The following CAMTA1 variants were observed in gnomAD, a reference collection of about 807,000 sequenced individuals.
CAMTA1 encodes calmodulin-binding transcription activator 1.
In CAMTA1, 27 loss-of-function variants were observed where a neutral mutation model predicts 170.9. That is an observed-to-expected ratio of 0.16 (90% CI 0.12 to 0.22). The LOEUF (loss-of-function observed/expected upper bound fraction) is 0.22, where lower values mean the gene tolerates loss of function less well. Among genes scored for constraint, CAMTA1 ranks in the 10% least tolerant of loss-of-function variants. The pLI is 1.00. For missense variants in CAMTA1, 1,619 were observed against 2,217.2 expected, an observed-to-expected ratio of 0.73 and a Z score of 5.42; for synonymous variants, 833 against 891.5, an observed-to-expected ratio of 0.93 and a Z score of 1.17.
chr1:7,055,082 C>T (rs1179920059), intron 3 of CAMTA1, among the ~76,000 whole-genome samples: 2 of 152,152 alleles, frequency 1.3e-5, no homozygotes, highest in Non-Finnish European at 2.9e-5. Context: ...ATGCCACTAA[C>T]CCATTCACGA....
chr1:7,011,117 G>T (rs1557967308), intron 3 of CAMTA1, among the ~76,000 whole-genome samples: 1 of 152,254 alleles, frequency 6.6e-6, no homozygotes, highest in Non-Finnish European at 1.5e-5. Context: ...GGTCTCTGCA[G>T]AAGGAAGCCA....
At position 7,766,579 on chromosome 1, in the gene CAMTA1, ACACACGCACACACG is replaced by A. The variant is rs1197681758; in HGVS notation, c.*94_*107del. 38 of 967,024 alleles carry A rather than the reference ACACACGCACACACG, an allele frequency of 3.9e-5. No individual in the cohort carries two copies. The highest frequency in any genetic ancestry group is 3.9e-4 in the South Asian group (30 of 76,928). 59.9% of individuals were successfully genotyped at this position (967,024 alleles called of 1,614,324 possible). On this transcript the variant is annotated 3_prime_UTR_variant, in exon 23 of 23. Transcript: ENST00000303635. Reference sequence around the variant, plus strand: ...TTTAGCAGAGACATGCAACAACAACACACACGCACACACGCACACACACACACGTACACACACAT... The same window carrying A: ...TTTAGCAGAGACATGCAACAACAACACACACACACACACGTACACACACAT...
intron 1 of CAMTA1, among the ~76,000 whole-genome samples, chr1:6,795,691 T>G (rs1042207268): frequency 2.0e-5 from 3 of 152,128 alleles, no homozygotes; most frequent in African/African-American, 7.2e-5. Flanking sequence ...ACGAAATGAC[T>G]TTGGTGTTTT....
At position 7,471,357 on chromosome 1, in the gene CAMTA1, G is replaced by T. The variant is rs898426106; in HGVS notation, c.510+3456G>T. Among the ~76,000 whole-genome samples the T allele has an allele frequency of 4.7e-4, 72 of 152,250 alleles. 2 individuals are homozygous for T. Among genetic ancestry groups the T allele is most frequent in the Admixed American group, 4.6e-3 (71 of 15,292 alleles). ...CATAGGCTCATAAAGCCATTGGCATGACCAGTAACCACCATGTGAGGTCAC... is the reference window on the plus strand; with the variant it reads ...CATAGGCTCATAAAGCCATTGGCATTACCAGTAACCACCATGTGAGGTCAC... On this transcript the variant is annotated intron_variant, in intron 6 of 22. Coordinates refer to ENST00000303635, the MANE Select transcript of CAMTA1 (RefSeq NM_015215.4).
At chr1:6,956,023 C>T in intron 3 of CAMTA1, among the ~76,000 whole-genome samples, 1 of 152,164 alleles carries the variant, frequency 6.6e-6, no homozygotes, top group East Asian at 1.9e-4. Context: ...TCCGCTCGAG[C>T]AGGTGCTGCA....
chr1:7,285,231 T>C lies in CAMTA1; in HGVS notation c.438+35605T>C, dbSNP rs939003358. Among the ~76,000 whole-genome samples the C allele has an allele frequency of 3.3e-5, 5 of 152,336 alleles. No homozygotes were observed. The East Asian group carries it at 5.8e-4, about 18-fold the overall frequency. On this transcript the variant is annotated intron_variant, in intron 5 of 22. Transcript: ENST00000303635. ...AATGAGTCAGTGAGAGCCCATTTCC[T>C]GTTCTTTGTTTTCTTTTAATTTGAG...
chr1:7,398,181 CTCTCTCTCTCTCTATATATATATATA>C (rs1388536404), intron 5 of CAMTA1, among the ~76,000 whole-genome samples: 41 of 45,568 alleles, frequency 9.0e-4, no homozygotes, highest in African/African-American at 3.0e-3. Context: ...CTCTCTCTCT[CTCTCTCTCTCTCTATATATATATATA>C]TATATATATA....
intron 4 of CAMTA1, among the ~76,000 whole-genome samples, chr1:7,163,297 G>A (rs374624340): frequency 1.6e-5 from 2 of 128,982 alleles, no homozygotes; most frequent in African/African-American, 2.9e-5. Flanking sequence ...AGGCTGGGGT[G>A]GGGGGAAAGG....
Position 6,785,473 on chromosome 1 carries a change from C to G in CAMTA1, c.-58C>G, listed in dbSNP as rs1185149577. The G allele has an allele frequency of 4.3e-6, 4 of 932,640 alleles. No individual in the cohort carries two copies. The highest frequency in any genetic ancestry group is 5.5e-4 in the Middle Eastern group (1 of 1,832). 57.8% of individuals were successfully genotyped at this position (932,640 alleles called of 1,614,324 possible). ...CGCGGCGGCGGCGGGGTGGCTGGGC[C>G]GGCGGCGGCGGCGGTACGAGGCGCG... On this transcript the variant is annotated 5_prime_UTR_variant, in exon 1 of 23. Coordinates refer to ENST00000303635, the MANE Select transcript of CAMTA1 (RefSeq NM_015215.4).
At chr1:7,394,343 G>T (rs531029407) in intron 5 of CAMTA1, among the ~76,000 whole-genome samples, 8 of 152,152 alleles carry the variant, frequency 5.3e-5, no homozygotes, top group Admixed American at 5.2e-4. Context: ...CCACATTTAT[G>T]CCAGCTTTTG....
Position 7,047,703 on chromosome 1 carries a change from T to TTC in CAMTA1, c.235-43583_235-43582dup, listed in dbSNP as rs745458237. 5.1e-3 allele frequency among the ~76,000 whole-genome samples: 771 copies of TTC among 149,792 alleles called. 5 individuals are homozygous for TTC. The highest frequency in any genetic ancestry group is 0.017 in the African/African-American group (664 of 39,704). On this transcript the variant is annotated intron_variant, in intron 3 of 22. Coordinates refer to ENST00000303635, the MANE Select transcript of CAMTA1 (RefSeq NM_015215.4). The stretch of plus-strand genomic sequence containing the variant: ...TCCTGCTCATTGGTTGGCTTTGGCT[T>TTC]TCTCTCTCTCTCTCTCTCTTTTTTT...
At position 7,434,078 on chromosome 1, in the gene CAMTA1, C is replaced by A. The variant is rs995044616; in HGVS notation, c.439-33752C>A. On this transcript the variant is annotated intron_variant, in intron 5 of 22. Coordinates refer to ENST00000303635, the MANE Select transcript of CAMTA1 (RefSeq NM_015215.4). ...TCCACCTCCTGGAGAGTCCCTCCCC[C>A]ACATCCCTTCCTCCTCCTGGAGAGT... Among the ~76,000 whole-genome samples the A allele has an allele frequency of 2.6e-5, 4 of 152,174 alleles. No individual in the cohort carries two copies. In the South Asian group the frequency reaches 6.2e-4, roughly 24 times the overall value.
chr1:6,913,956 G>A (rs1281118401), intron 3 of CAMTA1, among the ~76,000 whole-genome samples: 2 of 152,010 alleles, frequency 1.3e-5, no homozygotes, highest in Non-Finnish European at 2.9e-5. Flanking sequence ...GAGTAAAGAG[G>A]CTACAAGGCC....
chr1:7,371,239 TTTTGTTTGTTTGTTTGTTTG>T (rs61520755), intron 5 of CAMTA1, among the ~76,000 whole-genome samples: 7 of 147,362 alleles, frequency 4.8e-5, no homozygotes, highest in South Asian at 2.2e-4. Context: ...ATGCTCTGGG[TTTTGTTTGTTTGTTTGTTTG>T]TTTGTTTGTT....
chr1:7,627,072 C>G (rs2095638696), intron 6 of CAMTA1, among the ~76,000 whole-genome samples: 1 of 152,126 alleles, frequency 6.6e-6, no homozygotes, highest in Non-Finnish European at 1.5e-5. Context: ...TCCAATGTGG[C>G]AGGATGTGGA....
intron 5 of CAMTA1, among the ~76,000 whole-genome samples, chr1:7,328,321 C>T (rs996622937): frequency 4.7e-5 from 7 of 149,096 alleles, no homozygotes; most frequent in South Asian, 2.2e-4. Flanking sequence ...GGCAAAATGC[C>T]TTCTTACAAG....
rs2096200152 is a variant in CAMTA1, at chr1:7,681,102, C to T, written c.2914+3369C>T. ...GAGGAGGAATCGCAGCCTTCTGGAT[C>T]CCGGAGCTGCAGCGCCTCCCCCAGA... is the stretch of plus-strand genomic sequence containing the variant. On this transcript the variant is annotated intron_variant, in intron 11 of 22. Coordinates refer to ENST00000303635, the MANE Select transcript of CAMTA1 (RefSeq NM_015215.4). The surrounding 1 kb of genome is among the most constrained non-coding windows in gnomAD (Gnocchi z 4.6). Among the ~76,000 whole-genome samples the T allele has an allele frequency of 1.3e-5, 2 of 152,130 alleles. No individual in the cohort carries two copies. The highest frequency in any genetic ancestry group is 1.3e-4 in the Admixed American group (2 of 15,290).
chr1:7,188,008 CTTACAA>C (rs998222671), intron 4 of CAMTA1, among the ~76,000 whole-genome samples: 1 of 152,166 alleles, frequency 6.6e-6, no homozygotes, highest in Non-Finnish European at 1.5e-5. Context: ...CCTCAGGAAA[CTTACAA>C]TCATGGTGGA....
In CAMTA1 at chr1:7,641,653, G is replaced by A. The variant is rs562859360; in HGVS notation, c.664+1100G>A. Reference sequence around the variant, plus strand: ...GGGACAGAGGGGTCTGTGTGGCAAGGGAGGCCCCCCAGTGGGTGACAGCCC... The same window carrying A: ...GGGACAGAGGGGTCTGTGTGGCAAGAGAGGCCCCCCAGTGGGTGACAGCCC... On this transcript the variant is annotated intron_variant, in intron 7 of 22. Coordinates refer to ENST00000303635, the MANE Select transcript of CAMTA1 (RefSeq NM_015215.4). The surrounding 1 kb of genome is among the most constrained non-coding windows in gnomAD (Gnocchi z 4.5). 1.3e-5 allele frequency among the ~76,000 whole-genome samples: 2 copies of A among 152,218 alleles called. No individual in the cohort carries two copies. The highest frequency in any genetic ancestry group is 2.4e-5 in the African/African-American group (1 of 41,536).
Sources: gnomAD v4.1 joint callset for allele counts (sites outside exome capture counted in the v4.1 genomes callset) on GRCh38, gnomAD v4.1.1 for gene constraint, Gnocchi (gnomAD v3.1) non-coding constraint, MANE v1.5 for transcripts, NCBI Gene and HGNC (gene_info 2026-07-23, HGNC 2026-07-21) for gene names.